ASTN2: variants seen among roughly 807,000 people sequenced by gnomAD.
ASTN2 encodes astrotactin-2.
A neutral mutation model predicts 139.8 loss-of-function variants in ASTN2; 54 were observed. The ratio of observed to expected loss-of-function variants is 0.39; its 90% CI spans 0.31 to 0.48. ASTN2 has a LOEUF of 0.48. Among genes scored for constraint, ASTN2 ranks in the 20% least tolerant of loss-of-function variants. ASTN2 has a pLI of 0.95. For synonymous variants in ASTN2, 756 were observed against 719.5 expected (o/e 1.05, Z -0.81); for missense variants, 1,565 against 1,725.1 (o/e 0.91, Z 1.64).
chr9:116,986,733 T>C (rs1275802852), intron 7 of ASTN2, among the ~76,000 whole-genome samples: 3 of 152,130 alleles, frequency 2.0e-5, no homozygotes, highest in Non-Finnish European at 4.4e-5. Flanking sequence ...TTGCTGAAGG[T>C]CACAAAGTCA....
In ASTN2 at chr9:116,620,449, CAA is replaced by C; in HGVS notation, c.3073-8_3073-7del. 6.2e-7 allele frequency: 1 copy of C among 1,611,718 alleles called. No homozygotes were observed. Among genetic ancestry groups the C allele is most frequent in the Non-Finnish European group, 8.5e-7 (1 of 1,179,356 alleles). ...ATCAGTGCACTCTTGAAGGCCTGGACAAAAAAAGAGGACAGAATAGACAATGA... is the reference window on the plus strand; with the variant it reads ...ATCAGTGCACTCTTGAAGGCCTGGACAAAAAGAGGACAGAATAGACAATGA... On this transcript the variant is annotated splice_polypyrimidine_tract_variant and splice_region_variant and intron_variant, in intron 17 of 22. Transcript: ENST00000313400.
intron 2 of ASTN2, among the ~76,000 whole-genome samples, chr9:117,258,075 GGAAGGAA>G (rs1833734126): frequency 1.3e-5 from 2 of 152,176 alleles, no homozygotes; most frequent in South Asian, 4.1e-4. Flanking sequence ...TCTCTCCATT[GGAAGGAA>G]GAAGGAAGGA....
intron 7 of ASTN2, among the ~76,000 whole-genome samples, chr9:116,993,968 T>C (rs948956114): frequency 2.6e-5 from 4 of 151,302 alleles, no homozygotes; most frequent in African/African-American, 9.7e-5. Flanking sequence ...TTTTTTTGTT[T>C]TGTTTTGTTT....
In ASTN2 at chr9:116,933,979, C is replaced by CT. The variant is rs148724828; in HGVS notation, c.1889+41228dup. Among the ~76,000 whole-genome samples, 358 of 86,848 alleles carry CT rather than the reference C, an allele frequency of 4.1e-3. 41 individuals carry two copies. The highest frequency in any genetic ancestry group is 0.018 in the Middle Eastern group (3 of 166). The allele number at this position is 86,848 out of a possible 152,430, so 57.0% of individuals were successfully genotyped here. ...ACCTCAGTTGTGCGAAGTGTTAGTC[C>CT]TTTTTTTTTTTTTTTTTTTTTTTCT... On this transcript the variant is annotated intron_variant, in intron 10 of 22. Coordinates refer to ENST00000313400, the MANE Select transcript of ASTN2 (RefSeq NM_001365068.1).
intron 19 of ASTN2, among the ~76,000 whole-genome samples, chr9:116,589,760 T>G (rs991745671): frequency 3.3e-5 from 5 of 152,232 alleles, no homozygotes; most frequent in Non-Finnish European, 4.4e-5. Flanking sequence ...TCATGCCTAC[T>G]GTGGCAAAGT....
chr9:117,201,761 A>G (rs1213625693), intron 3 of ASTN2, among the ~76,000 whole-genome samples: 1 of 152,084 alleles, frequency 6.6e-6, no homozygotes, highest in Non-Finnish European at 1.5e-5. Context: ...ACTTTCAATA[A>G]TGTGGTTGAT....
At chr9:117,287,481 T>C (rs887651427) in intron 2 of ASTN2, among the ~76,000 whole-genome samples, 1 of 152,240 alleles carries the variant, frequency 6.6e-6, no homozygotes, top group Non-Finnish European at 1.5e-5. Flanking sequence ...AACCAGCTTA[T>C]ATAGAGTGAA....
chr9:116,479,883 T>C (rs1323835503), intron 20 of ASTN2, among the ~76,000 whole-genome samples: 1 of 152,174 alleles, frequency 6.6e-6, no homozygotes, highest in Non-Finnish European at 1.5e-5. Flanking sequence ...TGTGGCAATT[T>C]TCAGTTCAGG....
intron 4 of ASTN2, among the ~76,000 whole-genome samples, chr9:117,097,789 C>G (rs1408844017): frequency 6.6e-6 from 1 of 152,158 alleles, no homozygotes; most frequent in African/African-American, 2.4e-5. Flanking sequence ...GTAATTTCCT[C>G]AGGTAGGGTA....
intron 4 of ASTN2, among the ~76,000 whole-genome samples, chr9:117,120,018 G>GTGTGTATATATAGATA (rs1306397698): frequency 2.2e-5 from 1 of 46,000 alleles, no homozygotes; most frequent in Non-Finnish European, 3.9e-5. Flanking sequence ...GTGTGTGTGT[G>GTGTGTATATATAGATA]TATATATATA....
At chr9:116,991,564 G>A (rs944945529) in intron 7 of ASTN2, among the ~76,000 whole-genome samples, 1 of 147,834 alleles carries the variant, frequency 6.8e-6, no homozygotes, top group African/African-American at 2.5e-5. Flanking sequence ...ACTTACCAAA[G>A]GTGAATACTT....
At chr9:117,098,436 T>C (rs1386284698) in intron 4 of ASTN2, among the ~76,000 whole-genome samples, 1 of 152,156 alleles carries the variant, frequency 6.6e-6, no homozygotes, top group African/African-American at 2.4e-5. Flanking sequence ...AAGATTAATA[T>C]CTGCCTCCCC....
At chr9:117,196,007 G>C (rs919592089) in intron 3 of ASTN2, among the ~76,000 whole-genome samples, 2 of 152,140 alleles carry the variant, frequency 1.3e-5, no homozygotes, top group African/African-American at 4.8e-5. Flanking sequence ...CATGGTTGCT[G>C]TGCATTAGCT....
intron 10 of ASTN2, among the ~76,000 whole-genome samples, chr9:116,925,612 T>G (rs1180408466): frequency 2.6e-5 from 4 of 152,030 alleles, no homozygotes; most frequent in Non-Finnish European, 5.9e-5. Flanking sequence ...AACCACTCTC[T>G]TATTAGGCAT....
At chr9:116,460,925 T>C (rs1361803032) in intron 20 of ASTN2, among the ~76,000 whole-genome samples, 2 of 152,190 alleles carry the variant, frequency 1.3e-5, no homozygotes, top group South Asian at 2.1e-4. Context: ...ATAGTTATTA[T>C]AGAACAACCA....
rs1001894063 is a variant in ASTN2, at chr9:116,699,888, C to T, written c.2806+25883G>A. Reference sequence around the variant, plus strand: ...GTTATGTCCCCCTCCCCGCTTCCCACCTAAATTTAGAGCTTTAAAAGATGC... The same window carrying T: ...GTTATGTCCCCCTCCCCGCTTCCCATCTAAATTTAGAGCTTTAAAAGATGC... On this transcript the variant is annotated intron_variant, in intron 16 of 22. Transcript: ENST00000313400. The surrounding 1 kb of genome is among the most constrained non-coding windows in gnomAD (Gnocchi z 4.2). 3.7e-5 allele frequency: 30 copies of T among 805,218 alleles called. No individual in the cohort carries two copies. Among genetic ancestry groups the T allele is most frequent in the Non-Finnish European group, 5.5e-5 (28 of 507,696 alleles). 49.9% of individuals were successfully genotyped at this position (805,218 alleles called of 1,614,324 possible).
At chr9:116,956,100 T>C (rs937233354) in intron 10 of ASTN2, among the ~76,000 whole-genome samples, 30 of 147,032 alleles carry the variant, frequency 2.0e-4, no homozygotes, top group African/African-American at 6.7e-4. Flanking sequence ...TTTTCTTTTT[T>C]TTTTTTTTTT....
intron 1 of ASTN2, among the ~76,000 whole-genome samples, chr9:117,360,553 G>A (rs1319691698): frequency 1.3e-5 from 2 of 152,236 alleles, no homozygotes; most frequent in South Asian, 2.1e-4. Flanking sequence ...TGGAGCTGCT[G>A]GTCTAATGGA....
At chr9:116,801,346 G>A (rs13290502) in intron 13 of ASTN2, among the ~76,000 whole-genome samples, 27,023 of 151,904 alleles carry the variant, frequency 0.18, 2,871 homozygotes, top group Admixed American at 0.24. Context: ...ACTTTGGGAG[G>A]CCAAGGGGGG....
Sources: gnomAD v4.1 joint callset for allele counts (sites outside exome capture counted in the v4.1 genomes callset) on GRCh38, gnomAD v4.1.1 for gene constraint, Gnocchi (gnomAD v3.1) non-coding constraint, MANE v1.5 for transcripts, NCBI Gene and HGNC (gene_info 2026-07-23, HGNC 2026-07-21) for gene names.